WDR33: variants seen among roughly 807,000 people sequenced by gnomAD.
WDR33 encodes WD repeat domain 33.
A neutral mutation model predicts 164.9 loss-of-function variants in WDR33; 47 were observed. The ratio of observed to expected loss-of-function variants is 0.29; its 90% CI spans 0.23 to 0.36. The LOEUF is 0.36. Ranked by LOEUF, WDR33 falls within the 10% of genes least tolerant of loss-of-function variation. The pLI, the probability that WDR33 is intolerant of heterozygous loss-of-function variation, is 1.00. For missense variants in WDR33, 1,137 were observed against 1,754.1 expected, an observed-to-expected ratio of 0.65 and a Z score of 6.28; for synonymous variants, 505 against 589.0, an observed-to-expected ratio of 0.86 and a Z score of 2.06.
rs200273049 is a variant in WDR33 at position 127,707,229 on chromosome 2, TAAAAAAAAA to T, written c.3782-686_3782-678del. 1.3e-4 allele frequency among the ~76,000 whole-genome samples: 16 copies of T among 122,604 alleles called. 1 individual carries two copies. Among genetic ancestry groups the T allele is most frequent in the Admixed American group, 3.4e-4 (4 of 11,702 alleles). The allele number at this position is 122,604 out of a possible 152,430, so 80.4% of individuals were successfully genotyped here. ...TTCTGTTGCAGCTTGAGAATATATT[TAAAAAAAAA>T]AAAAAAAGAAAAAAAAGAAAGGAAA... is the stretch of plus-strand genomic sequence containing the variant. On this transcript the variant is annotated intron_variant, in intron 21 of 21. Transcript: ENST00000322313.
At chr2:127,766,422 C>G (rs1356357592) in intron 4 of WDR33, among the ~76,000 whole-genome samples, 1 of 152,092 alleles carries the variant, frequency 6.6e-6, no homozygotes, top group Non-Finnish European at 1.5e-5. Flanking sequence ...AAAAGCCTCC[C>G]CTCTTTCTAG....
rs13401513 is a variant in WDR33 at position 127,759,329 on chromosome 2, A to C, written c.724+3733T>G. Among the ~76,000 whole-genome samples the C allele has an allele frequency of 6.2e-3, 949 of 152,322 alleles. 7 individuals are homozygous for C. Among genetic ancestry groups the C allele is most frequent in the African/African-American group, 0.022 (904 of 41,538 alleles). ...TCATTTTACACCTTAGAAAATACTG[A>C]GTATTTTTCTCTTCTGTAACTTCAA... On this transcript the variant is annotated intron_variant, in intron 7 of 21. Coordinates refer to ENST00000322313, the MANE Select transcript of WDR33 (RefSeq NM_018383.5).
In WDR33 at chr2:127,763,432, T is replaced by C; in HGVS notation, c.627-273A>G. The C allele has an allele frequency of 8.5e-7, 1 of 1,169,694 alleles. No individual in the cohort carries two copies. The highest frequency in any genetic ancestry group is 4.6e-5 in the East Asian group (1 of 21,856). 72.5% of individuals were successfully genotyped at this position (1,169,694 alleles called of 1,614,324 possible). A position where few individuals can be genotyped will look rare whatever the true frequency, so the allele number is the denominator to read the frequency against. ...GTGCTAATGCTATCCATGTTCCTTC[T>C]CTATTTTCTATGATACGAGGAAATC... On this transcript the variant is annotated intron_variant, in intron 6 of 21. Coordinates refer to ENST00000322313, the MANE Select transcript of WDR33 (RefSeq NM_018383.5). The surrounding 1 kb of genome is among the most constrained non-coding windows in gnomAD (Gnocchi z 4.5).
In WDR33 at chr2:127,721,603, A is replaced by T. The variant is rs907693751; in HGVS notation, c.1671+233T>A. ...ATTCCAGCCTGGGTGACAGGGCATGACTCTGTCTCTAAAATAAAATAAATA... is the reference window on the plus strand; with the variant it reads ...ATTCCAGCCTGGGTGACAGGGCATGTCTCTGTCTCTAAAATAAAATAAATA... On this transcript the variant is annotated intron_variant, in intron 15 of 21. Transcript: ENST00000322313. The surrounding 1 kb of genome is among the most constrained non-coding windows in gnomAD (Gnocchi z 4.9). Among the ~76,000 whole-genome samples, 3 of 152,130 alleles carry T rather than the reference A, an allele frequency of 2.0e-5. No homozygotes were observed. The highest frequency in any genetic ancestry group is 4.8e-5 in the African/African-American group (2 of 41,436).
intron 17 of WDR33, among the ~76,000 whole-genome samples, chr2:127,715,088 C>CTTTTTTTTTTTTTTTTTT (rs386391178): frequency 1.3e-4 from 14 of 108,578 alleles, no homozygotes; most frequent in Non-Finnish European, 1.8e-4. Context: ...TTCTTTGTTT[C>CTTTTTTTTTTTTTTTTTT]TTTTTTTTTT....
intron 1 of WDR33, among the ~76,000 whole-genome samples, chr2:127,795,102 C>CCTTTTT (rs749765946): frequency 7.6e-6 from 1 of 131,138 alleles, no homozygotes; most frequent in African/African-American, 3.0e-5. Context: ...AATAACTTCT[C>CCTTTTT]TTTTTTTTTT....
chr2:127,722,837 A>T lies in WDR33; in HGVS notation c.1379-107T>A. On this transcript the variant is annotated intron_variant, in intron 13 of 21. Coordinates refer to ENST00000322313, the MANE Select transcript of WDR33 (RefSeq NM_018383.5). The surrounding 1 kb of genome is among the most constrained non-coding windows in gnomAD (Gnocchi z 5.1). Reference sequence around the variant, plus strand: ...AGATTTTAAGTATTATGTCATTTATATAATTTTTATCAACATTTCTCAACA... The same window carrying T: ...AGATTTTAAGTATTATGTCATTTATTTAATTTTTATCAACATTTCTCAACA... 1 of 1,413,428 alleles carries T rather than the reference A, an allele frequency of 7.1e-7. No homozygotes were observed. Among genetic ancestry groups the T allele is most frequent in the Non-Finnish European group, 9.6e-7 (1 of 1,045,534 alleles). The allele number at this position is 1,413,428 out of a possible 1,614,324, so 87.6% of individuals were successfully genotyped here.
rs143186338 is a variant in WDR33 at position 127,769,005 on chromosome 2, TTAAA to T, written c.205-8_205-5del. ...GGTCTCTTTGCCATATTCTGTTCTG[TTAAA>T]TAAATAAATAAATAAATAAATAAAT... On this transcript the variant is annotated splice_region_variant and splice_polypyrimidine_tract_variant and intron_variant, in intron 2 of 21. Coordinates refer to ENST00000322313, the MANE Select transcript of WDR33 (RefSeq NM_018383.5). 160,706 of 910,986 alleles carry T rather than the reference TTAAA, an allele frequency of 0.18. 15,067 individuals carry two copies. The highest frequency in any genetic ancestry group is 0.19 in the Non-Finnish European group (126,673 of 660,170). The allele number at this position is 910,986 out of a possible 1,614,324, so 56.4% of individuals were successfully genotyped here. A position where few individuals can be genotyped will look rare whatever the true frequency, so the allele number is the denominator to read the frequency against.
In WDR33 at chr2:127,770,295, G is replaced by T. The variant is rs972191710; in HGVS notation, c.204+483C>A. ...TTTTATAAAGTATTAGTGGTTTGAG[G>T]TTCTTCCTAAATTAGCCAATTTGAA... is the stretch of plus-strand genomic sequence containing the variant. On this transcript the variant is annotated intron_variant, in intron 2 of 21. Transcript: ENST00000322313. The surrounding 1 kb of genome is among the most constrained non-coding windows in gnomAD (Gnocchi z 4.9). Among the ~76,000 whole-genome samples the T allele has an allele frequency of 3.3e-5, 5 of 152,150 alleles. No homozygotes were observed. The highest frequency in any genetic ancestry group is 7.3e-5 in the Non-Finnish European group (5 of 68,038).
intron 1 of WDR33, among the ~76,000 whole-genome samples, chr2:127,771,808 G>C (rs771985654): frequency 2.6e-5 from 4 of 151,756 alleles, no homozygotes; most frequent in Non-Finnish European, 5.9e-5. Flanking sequence ...AGGGAGGGAG[G>C]GGGCAGGGGA....
Position 127,759,294 on chromosome 2 carries a change from A to C in WDR33, c.724+3768T>G, listed in dbSNP as rs1424878404. On this transcript the variant is annotated intron_variant, in intron 7 of 21. Coordinates refer to ENST00000322313, the MANE Select transcript of WDR33 (RefSeq NM_018383.5). ...TTTGTATAACAAATCCACCGTCAAC[A>C]GATCTATGCTCATTTTACACCTTAG... 2.0e-5 allele frequency among the ~76,000 whole-genome samples: 3 copies of C among 152,326 alleles called. No homozygotes were observed. The South Asian group carries it at 6.2e-4, about 32-fold the overall frequency.
chr2:127,709,964 G>A lies in WDR33; in HGVS notation c.3309-108C>T. ...GAGAAAGCATGATACAATGTTAATTGGGAGGAAAACAAAATAAAACTATAT... is the reference window on the plus strand; with the variant it reads ...GAGAAAGCATGATACAATGTTAATTAGGAGGAAAACAAAATAAAACTATAT... On this transcript the variant is annotated intron_variant, in intron 18 of 21. Transcript: ENST00000322313. The surrounding 1 kb of genome is among the most constrained non-coding windows in gnomAD (Gnocchi z 5.0). 1 of 1,362,510 alleles carries A rather than the reference G, an allele frequency of 7.3e-7. No homozygotes were observed. The highest frequency in any genetic ancestry group is 2.3e-5 in the East Asian group (1 of 43,368). 84.4% of individuals were successfully genotyped at this position (1,362,510 alleles called of 1,614,324 possible). A position where few individuals can be genotyped will look rare whatever the true frequency, so the allele number is the denominator to read the frequency against.
At chr2:127,761,613 G>A (rs1687679422) in intron 7 of WDR33, among the ~76,000 whole-genome samples, 1 of 152,198 alleles carries the variant, frequency 6.6e-6, no homozygotes, top group African/African-American at 2.4e-5. Flanking sequence ...GACTAATAGT[G>A]AGGAAAGATT....
rs1018091537 is a variant in WDR33, at chr2:127,735,768, T to C, written c.725-8991A>G. On this transcript the variant is annotated intron_variant, in intron 7 of 21. Coordinates refer to ENST00000322313, the MANE Select transcript of WDR33 (RefSeq NM_018383.5). The surrounding 1 kb of genome is among the most constrained non-coding windows in gnomAD (Gnocchi z 4.3). ...TTAAAAAATTAAGAAGCATAAGTAA[T>C]CTGTGCTCTGGTCAAGGAATATGCA... is the stretch of plus-strand genomic sequence containing the variant. 3 of 985,330 alleles carry C rather than the reference T, an allele frequency of 3.0e-6. No individual in the cohort carries two copies. The African/African-American group carries it at 5.2e-5, about 17-fold the overall frequency. The allele number at this position is 985,330 out of a possible 1,614,324, so 61.0% of individuals were successfully genotyped here.
At chr2:127,775,321 T>C (rs1688152332) in intron 1 of WDR33, among the ~76,000 whole-genome samples, 1 of 152,148 alleles carries the variant, frequency 6.6e-6, no homozygotes, top group South Asian at 2.1e-4. Flanking sequence ...CCCAAGTAGC[T>C]GGGACTATAA....
Position 127,701,336 on chromosome 2 carries a change from G to A in WDR33, c.*4987C>T, listed in dbSNP as rs1685871204. 1 of 430,678 alleles carries A rather than the reference G, an allele frequency of 2.3e-6. No homozygotes were observed. The highest frequency in any genetic ancestry group is 3.8e-6 in the Non-Finnish European group (1 of 264,006). 26.7% of individuals were successfully genotyped at this position (430,678 alleles called of 1,614,324 possible). On this transcript the variant is annotated 3_prime_UTR_variant, in exon 22 of 22. Transcript: ENST00000322313. ...CTGGGAGGGCGACTGCAAGCGGACA[G>A]GCAGCACCTGCGACCACGGTACTTG...
Position 127,719,526 on chromosome 2 carries a change from G to C in WDR33, c.2499C>G (p.Ile833Met). 6 of 1,613,540 alleles carry C rather than the reference G, an allele frequency of 3.7e-6. No individual in the cohort carries two copies. The highest frequency in any genetic ancestry group is 5.1e-6 in the Non-Finnish European group (6 of 1,179,810). The change falls in exon 16 of 22, where the codon ATC becomes ATG. Residue 833 changes from isoleucine to methionine, a missense_variant. Physicochemically the swap from Ile to Met is conservative, Grantham distance 10. Coordinates refer to ENST00000322313, the MANE Select transcript of WDR33 (RefSeq NM_018383.5). The surrounding 1 kb of genome is among the most constrained non-coding windows in gnomAD (Gnocchi z 6.5). Reference protein sequence around the residue: ...GPQEMRGPQEIRGMQGPPPQG... With the variant: ...GPQEMRGPQEMRGMQGPPPQG... ...GGGGTGGAGGCCCCTGCATGCCTCG[G>C]ATCTCCTGAGGACCTCTCATTTCCT...
At chr2:127,801,850 C>T (rs1419154761) in intron 1 of WDR33, among the ~76,000 whole-genome samples, 7 of 151,616 alleles carry the variant, frequency 4.6e-5, no homozygotes, top group Admixed American at 1.3e-4. Flanking sequence ...TGCCACTGCA[C>T]TCCTGCCTGG....
In WDR33 at chr2:127,770,975, T is replaced by C; in HGVS notation, c.7A>G (p.Thr3Ala). The stretch of plus-strand genomic sequence containing the variant: ...AAACGAGGAGGAGAACCAATTTCTG[T>C]AGCCATGGTGATGTTTTCCTTCTAG... MA[T>A]EIGSPPRFFH... The change falls in exon 2 of 22, where the codon ACA becomes GCA. Residue 3 changes from threonine (T) to alanine (A), a missense_variant. Physicochemically the swap from Thr to Ala is moderately conservative, Grantham distance 58 (BLOSUM62 0). Transcript: ENST00000322313. This position sits in a 1 kb window ranked among gnomAD's most constrained non-coding sequence, Gnocchi z 4.9. 2 of 1,613,734 alleles carry C rather than the reference T, an allele frequency of 1.2e-6. No individual in the cohort carries two copies. Among genetic ancestry groups the C allele is most frequent in the East Asian group, 2.2e-5 (1 of 44,846 alleles).
Sources: allele counts gnomAD v4.1 joint callset (sites outside exome capture counted in the v4.1 genomes callset), GRCh38; gene constraint gnomAD v4.1.1; non-coding constraint Gnocchi (gnomAD v3.1); transcripts MANE v1.5; gene names NCBI Gene and HGNC (gene_info 2026-07-23, HGNC 2026-07-21).